PPM1K: variants seen among roughly 807,000 people sequenced by gnomAD.
The protein encoded by PPM1K is protein phosphatase Mn(2+)-dependent 1K.
PPM1K carries 19 observed loss-of-function variants against 32.6 expected under a neutral mutation model. The ratio of observed to expected loss-of-function variants is 0.58; its 90% CI spans 0.41 to 0.86. PPM1K has a LOEUF of 0.86. Among genes scored for constraint, PPM1K ranks in the 40% least tolerant of loss-of-function variants. The probability of loss-of-function intolerance (pLI) is 0.00; values close to 1 mark genes in which losing one functional copy is unlikely to be tolerated. For synonymous variants in PPM1K, 159 were observed against 165.3 expected (o/e 0.96, Z 0.29); for missense variants, 362 against 461.2 (o/e 0.78, Z 1.97).
rs1249518291 is a variant in PPM1K, at chr4:88,257,947, C to T, written c.*4648G>A. 6.6e-6 allele frequency: 1 copy of T among 152,150 alleles called. No homozygotes were observed. Among genetic ancestry groups the T allele is most frequent in the African/African-American group, 2.4e-5 (1 of 41,420 alleles). The allele number at this position is 152,150 out of a possible 1,614,324, so 9.4% of individuals were successfully genotyped here. On this transcript the variant is annotated 3_prime_UTR_variant, in exon 7 of 7. Coordinates refer to ENST00000608933, the MANE Select transcript of PPM1K (RefSeq NM_152542.5). ...CAGCCTAGAACACTAAGTATGACCA[C>T]CAACGCACCATTTCAACTATCTAAC...
chr4:88,265,668 A>G (rs757750481), intron 5 of PPM1K, among the ~76,000 whole-genome samples: 13 of 152,272 alleles, frequency 8.5e-5, no homozygotes, highest in Non-Finnish European at 1.8e-4. Context: ...AGTAACATTT[A>G]GAATTAACCA....
chr4:88,269,627 T>A (rs1309835106), intron 3 of PPM1K, among the ~76,000 whole-genome samples: 1 of 152,150 alleles, frequency 6.6e-6, no homozygotes, highest in Non-Finnish European at 1.5e-5. Flanking sequence ...TGAAGTTCAT[T>A]CTAGCTTCTC....
rs1214184208 is a variant in PPM1K, at chr4:88,278,473, C to G, written c.111G>C (p.Thr37=). Reference sequence around the variant, plus strand: ...TAGGCTCTGAAGTGGAGCTGTGGCACGTGGGTGTCACCCGCCTGTCGTCCT... The same window carrying G: ...TAGGCTCTGAAGTGGAGCTGTGGCAGGTGGGTGTCACCCGCCTGTCGTCCT... ...LLQDDRRVTP[T]CHSSTSEPRC... Residue 37 remains threonine (T), a synonymous_variant, in exon 2 of 7, where the codon ACG becomes ACC. Coordinates refer to ENST00000608933, the MANE Select transcript of PPM1K (RefSeq NM_152542.5). The surrounding 1 kb of genome is among the most constrained non-coding windows in gnomAD (Gnocchi z 4.2). 2 of 1,614,132 alleles carry G rather than the reference C, an allele frequency of 1.2e-6. No individual in the cohort carries two copies. Among genetic ancestry groups the G allele is most frequent in the Non-Finnish European group, 1.7e-6 (2 of 1,180,018 alleles).
chr4:88,278,932 A>G lies in PPM1K; in HGVS notation c.-59-290T>C, dbSNP rs1160752283. 3 of 236,304 alleles carry G rather than the reference A, an allele frequency of 1.3e-5. No individual in the cohort carries two copies. Among genetic ancestry groups the G allele is most frequent in the Non-Finnish European group, 2.5e-5 (3 of 119,720 alleles). The allele number at this position is 236,304 out of a possible 1,614,324, so 14.6% of individuals were successfully genotyped here. On this transcript the variant is annotated intron_variant, in intron 1 of 6. Coordinates refer to ENST00000608933, the MANE Select transcript of PPM1K (RefSeq NM_152542.5). This position sits in a 1 kb window ranked among gnomAD's most constrained non-coding sequence, Gnocchi z 4.2. ...ATTCTATAAAAATTTAACAGTGTGC[A>G]CATACACAGAACATGTATCTCTTAA...
At chr4:88,271,633 C>T (rs1184884790) in intron 3 of PPM1K, among the ~76,000 whole-genome samples, 1 of 152,074 alleles carries the variant, frequency 6.6e-6, no homozygotes, top group Non-Finnish European at 1.5e-5. Flanking sequence ...ACAAAAAATG[C>T]ACTGTAAATT....
At position 88,265,142 on chromosome 4, in the gene PPM1K, T is replaced by C; in HGVS notation, c.853-7A>G. The C allele has an allele frequency of 6.2e-7, 1 of 1,614,142 alleles. No homozygotes were observed. On this transcript the variant is annotated splice_polypyrimidine_tract_variant and splice_region_variant and intron_variant, in intron 5 of 6. Transcript: ENST00000608933. ...TGTCATCAGCATGATGTAACTGCAA[T>C]CAGAACCAAATGCCTATGATTATAA...
At chr4:88,271,798 C>T (rs114907084) in intron 3 of PPM1K, among the ~76,000 whole-genome samples, 3,269 of 152,128 alleles carry the variant, frequency 0.021, 47 homozygotes, top group African/African-American at 0.043. Context: ...TCAAAGCACC[C>T]GCTATACAAG....
At position 88,278,770 on chromosome 4, in the gene PPM1K, C is replaced by T. The variant is rs761809106; in HGVS notation, c.-59-128G>A. 1.2e-5 allele frequency: 7 copies of T among 560,482 alleles called. No individual in the cohort carries two copies. Among genetic ancestry groups the T allele is most frequent in the Admixed American group, 3.5e-5 (1 of 28,914 alleles). 34.7% of individuals were successfully genotyped at this position (560,482 alleles called of 1,614,324 possible). On this transcript the variant is annotated intron_variant, in intron 1 of 6. Transcript: ENST00000608933. This position sits in a 1 kb window ranked among gnomAD's most constrained non-coding sequence, Gnocchi z 4.2. ...TAACTGATATGTCATCAAATATTACCAAAAATGAAGCTCATAAAGGATTTG... is the reference window on the plus strand; with the variant it reads ...TAACTGATATGTCATCAAATATTACTAAAAATGAAGCTCATAAAGGATTTG...
intron 3 of PPM1K, chr4:88,276,263 C>T (rs754498600): frequency 1.8e-5 from 18 of 985,224 alleles, no homozygotes; most frequent in Non-Finnish European, 2.2e-5. Flanking sequence ...TTCTGTGGTG[C>T]ACTTGGTTTC....
Position 88,278,113 on chromosome 4 carries a change from CA to C in PPM1K, c.440+30del. ...GTTTAAGTAGGAAGTATAGGAACTG[CA>C]AAGTCAGGAGTGAAAGTCATTGTAC... is the stretch of plus-strand genomic sequence containing the variant. On this transcript the variant is annotated intron_variant, in intron 2 of 6. Coordinates refer to ENST00000608933, the MANE Select transcript of PPM1K (RefSeq NM_152542.5). The surrounding 1 kb of genome is among the most constrained non-coding windows in gnomAD (Gnocchi z 4.2). The C allele has an allele frequency of 6.3e-7, 1 of 1,576,408 alleles. No individual in the cohort carries two copies. Among genetic ancestry groups the C allele is most frequent in the Non-Finnish European group, 8.7e-7 (1 of 1,153,314 alleles).
At chr4:88,264,345 CT>C (rs1306776881) in intron 6 of PPM1K, among the ~76,000 whole-genome samples, 2 of 152,176 alleles carry the variant, frequency 1.3e-5, no homozygotes, top group Non-Finnish European at 2.9e-5. Context: ...ACCCAGCTTT[CT>C]TTTAATTTTA....
chr4:88,260,005 G>C lies in PPM1K; in HGVS notation c.*2590C>G, dbSNP rs980392475. 6.6e-6 allele frequency: 1 copy of C among 152,182 alleles called. No homozygotes were observed. The highest frequency in any genetic ancestry group is 1.5e-5 in the Non-Finnish European group (1 of 68,030). 9.4% of individuals were successfully genotyped at this position (152,182 alleles called of 1,614,324 possible). On this transcript the variant is annotated 3_prime_UTR_variant, in exon 7 of 7. Coordinates refer to ENST00000608933, the MANE Select transcript of PPM1K (RefSeq NM_152542.5). ...ATCTTAGTTTTTAAAGTAAAAGATA[G>C]GAATAGTAATGTAAAGCATTCAAAA...
intron 6 of PPM1K, among the ~76,000 whole-genome samples, chr4:88,264,542 C>T (rs948089682): frequency 1.3e-5 from 2 of 152,148 alleles, no homozygotes; most frequent in Non-Finnish European, 1.5e-5. Context: ...GTTTGAAGTC[C>T]AGTTCTGCAA....
rs564306234 is a variant in PPM1K at position 88,259,462 on chromosome 4, A to G, written c.*3133T>C. On this transcript the variant is annotated 3_prime_UTR_variant, in exon 7 of 7. Transcript: ENST00000608933. ...ATTAGAAAGGTGATTTCTATACTACACATAAATGAAAGACAAACCGAACCA... is the reference window on the plus strand; with the variant it reads ...ATTAGAAAGGTGATTTCTATACTACGCATAAATGAAAGACAAACCGAACCA... 1 of 152,322 alleles carries G rather than the reference A, an allele frequency of 6.6e-6. No individual in the cohort carries two copies. The highest frequency in any genetic ancestry group is 2.1e-4 in the South Asian group (1 of 4,830). 9.4% of individuals were successfully genotyped at this position (152,322 alleles called of 1,614,324 possible).
chr4:88,284,031 G>C (rs1261572769), intron 1 of PPM1K: 1 of 152,270 alleles, frequency 6.6e-6, no homozygotes, highest in Admixed American at 6.5e-5. Flanking sequence ...CCGGGGCCTC[G>C]GGCAAGGGTC....
In PPM1K at chr4:88,277,219, GTTC is replaced by G. The variant is rs1269842628; in HGVS notation, c.462_464del (p.Lys154del). 1.2e-6 allele frequency: 2 copies of G among 1,613,852 alleles called. No individual in the cohort carries two copies. The highest frequency in any genetic ancestry group is 1.7e-5 in the Admixed American group (1 of 60,008). ...AAGCCAAGGTCAACAGAGTTTCCAAGTTCTTCTCCTTAGGAAGCAAATCCCTTT... is the reference window on the plus strand; with the variant it reads ...AAGCCAAGGTCAACAGAGTTTCCAAGTTCTCCTTAGGAAGCAAATCCCTTT... On this transcript the variant is annotated inframe_deletion, in exon 3 of 7. Coordinates refer to ENST00000608933, the MANE Select transcript of PPM1K (RefSeq NM_152542.5).
chr4:88,272,890 G>T (rs1164476670), intron 3 of PPM1K, among the ~76,000 whole-genome samples: 1 of 152,084 alleles, frequency 6.6e-6, no homozygotes, highest in African/African-American at 2.4e-5. Context: ...ATATTTTACA[G>T]ATCAGTCATC....
intron 1 of PPM1K, among the ~76,000 whole-genome samples, chr4:88,281,544 A>T (rs1462424199): frequency 1.3e-5 from 2 of 152,206 alleles, no homozygotes; most frequent in South Asian, 4.1e-4. Context: ...TATTGTTTCT[A>T]TAATCATCTC....
chr4:88,262,774 C>A, intron 6 of PPM1K, 48 bp from the exon 7 acceptor site: 1 of 1,570,016 alleles, frequency 6.4e-7, no homozygotes, highest in Non-Finnish European at 8.6e-7. Flanking sequence ...AAATCACAGT[C>A]TATACAAAGA....
Sources: gnomAD v4.1 joint callset for allele counts (sites outside exome capture counted in the v4.1 genomes callset) on GRCh38, gnomAD v4.1.1 for gene constraint, Gnocchi (gnomAD v3.1) non-coding constraint, MANE v1.5 for transcripts, NCBI Gene and HGNC (gene_info 2026-07-23, HGNC 2026-07-21) for gene names.